ATP6V0D2: variants seen among roughly 807,000 people sequenced by gnomAD.
ATP6V0D2 encodes ATPase H+ transporting V0 subunit d2, also known as V-type proton ATPase subunit d 2.
Under a neutral mutation model 40.0 loss-of-function variants are expected in ATP6V0D2, and 40 were observed. The observed-to-expected ratio is 1.00, with a 90% confidence interval of 0.78 to 1.30. ATP6V0D2 has a LOEUF of 1.30. ATP6V0D2 is among the 50% of genes most tolerant of loss of function. The pLI is 0.00. For missense variants in ATP6V0D2, 470 were observed against 423.1 expected, an observed-to-expected ratio of 1.11 and a Z score of -0.97; for synonymous variants, 179 against 156.3, an observed-to-expected ratio of 1.15 and a Z score of -1.08.
At chr8:86,124,292 G>T (rs1336383457) in intron 2 of ATP6V0D2, among the ~76,000 whole-genome samples, 2 of 152,050 alleles carry the variant, frequency 1.3e-5, no homozygotes, top group Non-Finnish European at 2.9e-5. Context: ...AGCTATACTT[G>T]GTCTCCCTGT....
At chr8:86,131,781 G>T (rs113491532) in intron 2 of ATP6V0D2, among the ~76,000 whole-genome samples, 20,723 of 152,152 alleles carry the variant, frequency 0.14, 1,612 homozygotes, top group Non-Finnish European at 0.18. Flanking sequence ...GATTACAGCT[G>T]GGAGCCACTG....
At chr8:86,100,062 T>G (rs1423264179) in intron 1 of ATP6V0D2, among the ~76,000 whole-genome samples, 2 of 151,124 alleles carry the variant, frequency 1.3e-5, no homozygotes, top group Middle Eastern at 3.2e-3. Flanking sequence ...AATCAAGAGC[T>G]GTTACTGGTG....
At chr8:86,139,433 T>G in intron 2 of ATP6V0D2, 24 bp from the exon 3 acceptor site, 1 of 1,581,978 alleles carries the variant, frequency 6.3e-7, no homozygotes, top group East Asian at 2.2e-5. Flanking sequence ...TGTCCTCTAA[T>G]GATTGAGTTG....
intron 1 of ATP6V0D2, among the ~76,000 whole-genome samples, chr8:86,102,701 T>C (rs1022402630): frequency 6.6e-6 from 1 of 152,212 alleles, no homozygotes; most frequent in Non-Finnish European, 1.5e-5. Flanking sequence ...GGGTTAAGTG[T>C]AGTAAGAAAT....
chr8:86,126,331 C>T (rs1013968292), intron 2 of ATP6V0D2, among the ~76,000 whole-genome samples: 16 of 146,052 alleles, frequency 1.1e-4, no homozygotes, highest in Admixed American at 8.5e-4. Context: ...CTTAAGTAAA[C>T]GTGTGCCTTG....
At chr8:86,101,314 G>T (rs924053982) in intron 1 of ATP6V0D2, among the ~76,000 whole-genome samples, 2 of 151,696 alleles carry the variant, frequency 1.3e-5, no homozygotes, top group African/African-American at 4.8e-5. Flanking sequence ...TTGAAAATTG[G>T]CTGGGCATGG....
rs78977926 is a variant in ATP6V0D2, at chr8:86,124,845, C to T, written c.302+10965C>T. Among the ~76,000 whole-genome samples, 825 of 152,204 alleles carry T rather than the reference C, an allele frequency of 5.4e-3. 15 individuals carry two copies. The highest frequency in any genetic ancestry group is 0.052 in the South Asian group (249 of 4,824). ...CTGTGACTACATAGATCACACTCCC[C>T]TGAAACTGGCTGATTGAAAAAAATG... On this transcript the variant is annotated intron_variant, in intron 2 of 7. Transcript: ENST00000285393.
Position 86,150,265 on chromosome 8 carries a change from A to G in ATP6V0D2, c.793A>G (p.Lys265Glu). ...LAQAEDFDQM[K>E]NVADHYGVYK... ...TCAAGCAGAAGACTTTGACCAGATG[A>G]AGAACGTAGCGGATCATTACGGAGT... Residue 265 changes from lysine to glutamate, a missense_variant, in exon 6 of 8, where the codon AAG becomes GAG. Coordinates refer to ENST00000285393, the MANE Select transcript of ATP6V0D2 (RefSeq NM_152565.1). 6.2e-7 allele frequency: 1 copy of G among 1,613,378 alleles called. No homozygotes were observed. Among genetic ancestry groups the G allele is most frequent in the Non-Finnish European group, 8.5e-7 (1 of 1,179,862 alleles).
chr8:86,141,376 G>C, intron 3 of ATP6V0D2, 74 bp from the exon 4 acceptor site: 4 of 1,123,050 alleles, frequency 3.6e-6, no homozygotes, highest in Non-Finnish European at 5.3e-6. Context: ...AGGGTGGTGT[G>C]TTCAGGATAC....
chr8:86,122,631 C>A (rs1322967779), intron 2 of ATP6V0D2, among the ~76,000 whole-genome samples: 1 of 152,124 alleles, frequency 6.6e-6, no homozygotes, highest in Non-Finnish European at 1.5e-5. Flanking sequence ...GCAAGCAAGT[C>A]CACAAATGGT....
intron 2 of ATP6V0D2, among the ~76,000 whole-genome samples, chr8:86,135,707 C>T (rs898125749): frequency 6.6e-6 from 1 of 152,136 alleles, no homozygotes; most frequent in African/African-American, 2.4e-5. Flanking sequence ...ATGATTTTTA[C>T]AGGTGTCAAA....
At chr8:86,102,009 GTT>G (rs1405560660) in intron 1 of ATP6V0D2, among the ~76,000 whole-genome samples, 3 of 152,180 alleles carry the variant, frequency 2.0e-5, no homozygotes, top group Non-Finnish European at 4.4e-5. Flanking sequence ...CATGTCCTCT[GTT>G]AGTTGAGGAC....
chr8:86,129,982 G>GAAAAAAAAAAAAAAAAAAAA (rs869058078), intron 2 of ATP6V0D2, among the ~76,000 whole-genome samples: 5 of 92,848 alleles, frequency 5.4e-5, no homozygotes, highest in Non-Finnish European at 8.9e-5. Context: ...GTCTCGAAAA[G>GAAAAAAAAAAAAAAAAAAAA]AAAAAAAAAA....
At chr8:86,115,535 A>AT (rs1214407122) in intron 2 of ATP6V0D2, among the ~76,000 whole-genome samples, 1 of 151,262 alleles carries the variant, frequency 6.6e-6, no homozygotes, top group Non-Finnish European at 1.5e-5. Context: ...TGCCCGGCTA[A>AT]TTTTTGTATT....
intron 2 of ATP6V0D2, among the ~76,000 whole-genome samples, chr8:86,124,341 G>A (rs1443208592): frequency 6.6e-6 from 1 of 152,136 alleles, no homozygotes; most frequent in Non-Finnish European, 1.5e-5. Context: ...AACAGTAAGT[G>A]ACTACTATGA....
intron 2 of ATP6V0D2, among the ~76,000 whole-genome samples, chr8:86,137,495 T>A (rs1818913512): frequency 6.6e-6 from 1 of 152,126 alleles, no homozygotes; most frequent in African/African-American, 2.4e-5. Flanking sequence ...ACCTTTAAAC[T>A]AACCCCTCCT....
intron 5 of ATP6V0D2, among the ~76,000 whole-genome samples, chr8:86,144,904 C>T (rs1202534149): frequency 6.6e-6 from 1 of 151,680 alleles, no homozygotes; most frequent in East Asian, 1.9e-4. Context: ...ACCTATAATC[C>T]CAGCACTTTG....
At chr8:86,137,217 A>G (rs1818910298) in intron 2 of ATP6V0D2, among the ~76,000 whole-genome samples, 1 of 152,046 alleles carries the variant, frequency 6.6e-6, no homozygotes, top group Admixed American at 6.6e-5. Context: ...TTTTCATTGC[A>G]TTCTCTGATG....
chr8:86,141,281 A>G (rs748680171), intron 3 of ATP6V0D2, among the ~76,000 whole-genome samples, 169 bp from the exon 4 acceptor site: 1 of 152,074 alleles, frequency 6.6e-6, no homozygotes, highest in Non-Finnish European at 1.5e-5. Flanking sequence ...AAAAGTAATA[A>G]CTGCTTTCAC....
Sources: gnomAD v4.1 joint callset for allele counts (sites outside exome capture counted in the v4.1 genomes callset) on GRCh38, gnomAD v4.1.1 for gene constraint, MANE v1.5 for transcripts, NCBI Gene and HGNC (gene_info 2026-07-23, HGNC 2026-07-21) for gene names.